RELCH: variants seen among roughly 807,000 people sequenced by gnomAD.
The protein encoded by RELCH is RAB11-binding protein RELCH.
Under a neutral mutation model 150.3 loss-of-function variants are expected in RELCH, and 41 were observed. The ratio of observed to expected loss-of-function variants is 0.27; its 90% CI spans 0.21 to 0.35. The LOEUF is 0.35. Ranked by LOEUF, RELCH falls within the 10% of genes least tolerant of loss-of-function variation. RELCH has a pLI of 1.00. For synonymous variants in RELCH, 478 were observed against 531.8 expected, an observed-to-expected ratio of 0.90 and a Z score of 1.39; for missense variants, 1,092 against 1,467.8, an observed-to-expected ratio of 0.74 and a Z score of 4.18.
At chr18:62,283,209 T>C (rs2044613651) in intron 25 of RELCH, among the ~76,000 whole-genome samples, 1 of 152,206 alleles carries the variant, frequency 6.6e-6, no homozygotes, top group African/African-American at 2.4e-5. Context: ...TTCAGCACGA[T>C]ACATAACTTT....
At chr18:62,196,216 G>GC (rs1165049322) in intron 1 of RELCH, among the ~76,000 whole-genome samples, 1 of 151,152 alleles carries the variant, frequency 6.6e-6, no homozygotes, top group Non-Finnish European at 1.5e-5. Context: ...AAATACCAGC[G>GC]CAATTTTTCT....
Position 62,291,612 on chromosome 18 carries a change from A to T in RELCH, c.3440A>T (p.His1147Leu). 2 of 1,607,510 alleles carry T rather than the reference A, an allele frequency of 1.2e-6. No individual in the cohort carries two copies. Among genetic ancestry groups the T allele is most frequent in the South Asian group, 1.1e-5 (1 of 90,214 alleles). Reference protein sequence around the residue: ...GLRCLRTDMEHLSPEHEVILS... With the variant: ...GLRCLRTDMELLSPEHEVILS... ...AGATGTTTACGGACTGACATGGAAC[A>T]TCTCTCTCCAGAGCATGAGGTGAGC... Residue 1147 changes from histidine to leucine, a missense_variant, in exon 27 of 29, where the codon CAT becomes CTT. Physicochemically the swap from His to Leu is moderately conservative, Grantham distance 99 (BLOSUM62 -3). Around this residue, in one of 4 missense-constraint regions of RELCH, gnomAD observed 707 missense variants for 1,025.4 expected, o/e 0.69. Coordinates refer to ENST00000644646, the MANE Select transcript of RELCH (RefSeq NM_001346231.2).
chr18:62,227,193 CT>C (rs1436870618), intron 5 of RELCH, 95 bp from the exon 6 acceptor site: 3 of 813,990 alleles, frequency 3.7e-6, no homozygotes, highest in African/African-American at 1.9e-5. Flanking sequence ...CAAAACCGAT[CT>C]TAAAAAAAAA....
At chr18:62,195,429 T>G (rs2038967872) in intron 1 of RELCH, among the ~76,000 whole-genome samples, 1 of 152,128 alleles carries the variant, frequency 6.6e-6, no homozygotes, top group African/African-American at 2.4e-5. Context: ...GAGCAGGTTA[T>G]AGTAACTTAG....
intron 8 of RELCH, 55 bp downstream of exon 8, chr18:62,228,653 A>G (rs1568347255): frequency 7.4e-7 from 1 of 1,345,186 alleles, no homozygotes; most frequent in African/African-American, 1.5e-5. Flanking sequence ...AGTACATGTC[A>G]AACGGGAAGA....
At chr18:62,195,194 A>G (rs1277059488) in intron 1 of RELCH, among the ~76,000 whole-genome samples, 1 of 152,146 alleles carries the variant, frequency 6.6e-6, no homozygotes, top group African/African-American at 2.4e-5. Flanking sequence ...TTCTTGTAGC[A>G]TCGTTGTAAT....
At chr18:62,283,006 A>G (rs991279924) in intron 25 of RELCH, among the ~76,000 whole-genome samples, 1 of 152,210 alleles carries the variant, frequency 6.6e-6, no homozygotes, top group South Asian at 2.1e-4. Context: ...CTTATACTGT[A>G]TACTGATTGC....
chr18:62,230,304 AG>A (rs1406102439), intron 8 of RELCH, among the ~76,000 whole-genome samples: 2 of 152,054 alleles, frequency 1.3e-5, no homozygotes, highest in Non-Finnish European at 2.9e-5. Context: ...CTCAAAAAAA[AG>A]GATCAAGCCT....
chr18:62,285,637 T>A (rs1185355469), intron 25 of RELCH: 1 of 152,206 alleles, frequency 6.6e-6, no homozygotes, highest in Non-Finnish European at 1.5e-5. Flanking sequence ...GTATCTGTAG[T>A]CCATCAACTC....
rs1164082576 is a variant in RELCH at position 62,310,109 on chromosome 18, C to G, written c.*4575C>G. On this transcript the variant is annotated 3_prime_UTR_variant, in exon 29 of 29. Coordinates refer to ENST00000644646, the MANE Select transcript of RELCH (RefSeq NM_001346231.2). ...TATAAATATAATAATTTCTCATTGA[C>G]TTTATGATTTCATAGATGCTTTATC... The G allele has an allele frequency of 1.3e-5, 2 of 152,012 alleles. No homozygotes were observed. The highest frequency in any genetic ancestry group is 2.9e-5 in the Non-Finnish European group (2 of 68,012). The allele number at this position is 152,012 out of a possible 1,614,324, so 9.4% of individuals were successfully genotyped here.
intron 11 of RELCH, 108 bp from the exon 12 acceptor site, chr18:62,252,555 TA>T (rs956879555): frequency 4.0e-6 from 3 of 747,124 alleles, no homozygotes; most frequent in African/African-American, 3.6e-5. Context: ...TTTGATTGTA[TA>T]AAAATCTTGT....
intron 2 of RELCH, among the ~76,000 whole-genome samples, chr18:62,219,501 A>T (rs1260859448): frequency 9.0e-6 from 1 of 111,720 alleles, no homozygotes; most frequent in Non-Finnish European, 1.9e-5. Flanking sequence ...TTTAAAATGT[A>T]AAAAAAAAAA....
At position 62,220,742 on chromosome 18, in the gene RELCH, T is replaced by G. The variant is rs116723411; in HGVS notation, c.617-295T>G. 604 of 345,072 alleles carry G rather than the reference T, an allele frequency of 1.8e-3. 3 individuals carry two copies. The highest frequency in any genetic ancestry group is 0.013 in the African/African-American group (571 of 45,378). The allele number at this position is 345,072 out of a possible 1,614,324, so 21.4% of individuals were successfully genotyped here. A position where few individuals can be genotyped will look rare whatever the true frequency, so the allele number is the denominator to read the frequency against. On this transcript the variant is annotated intron_variant, in intron 2 of 28. Transcript: ENST00000644646. ...CAGATTATTAATATTTTTATTTATC[T>G]AAATGAGAGTATGCCATAGATTTTA... is the stretch of plus-strand genomic sequence containing the variant.
intron 28 of RELCH, among the ~76,000 whole-genome samples, chr18:62,301,452 G>T (rs983042952): frequency 1.4e-4 from 22 of 152,166 alleles, no homozygotes; most frequent in African/African-American, 5.3e-4. Flanking sequence ...GCAGCCTTTG[G>T]CAATATGTAA....
chr18:62,240,408 C>CTTTTTTTTTTTTT lies in RELCH; in HGVS notation c.1621-4351_1621-4350insTTTTTTTTTTTTT, dbSNP rs199932427. Among the ~76,000 whole-genome samples, 3 of 139,570 alleles carry CTTTTTTTTTTTTT rather than the reference C, an allele frequency of 2.1e-5. 1 individual carries two copies. The highest frequency in any genetic ancestry group is 7.0e-5 in the Admixed American group (1 of 14,206). 91.6% of individuals were successfully genotyped at this position (139,570 alleles called of 152,430 possible). ...AAGAAAACCATTTTCTTTTTTTTTT[C>CTTTTTTTTTTTTT]TTTTTCTTTTTTTTTTTGGTGACAG... On this transcript the variant is annotated intron_variant, in intron 10 of 28. Transcript: ENST00000644646.
chr18:62,195,278 C>CTGTGTG lies in RELCH; in HGVS notation c.526+7248_526+7249insGTGTGT, dbSNP rs1491143110. Among the ~76,000 whole-genome samples the CTGTGTG allele has an allele frequency of 2.4e-3, 269 of 113,226 alleles. 2 individuals carry two copies. Among genetic ancestry groups the CTGTGTG allele is most frequent in the African/African-American group, 9.5e-3 (254 of 26,652 alleles). 74.3% of individuals were successfully genotyped at this position (113,226 alleles called of 152,430 possible). On this transcript the variant is annotated intron_variant, in intron 1 of 28. Coordinates refer to ENST00000644646, the MANE Select transcript of RELCH (RefSeq NM_001346231.2). ...TATTATTTGCTGGAATATACACACA[C>CTGTGTG]TCTGTGTGTGTGTGTGTGTGTGTGT... is the stretch of plus-strand genomic sequence containing the variant.
chr18:62,306,551 CAT>C lies in RELCH; in HGVS notation c.*1018_*1019del. On this transcript the variant is annotated 3_prime_UTR_variant, in exon 29 of 29. Transcript: ENST00000644646. The stretch of plus-strand genomic sequence containing the variant: ...TTTTTTCCCTCTAAACTAAAAAAGA[CAT>C]TGGCTGAATTATAACTAGTTAGTTA... The C allele has an allele frequency of 6.6e-6, 1 of 152,480 alleles. No homozygotes were observed. The highest frequency in any genetic ancestry group is 2.4e-5 in the African/African-American group (1 of 41,440). The allele number at this position is 152,480 out of a possible 1,614,324, so 9.4% of individuals were successfully genotyped here. A position where few individuals can be genotyped will look rare whatever the true frequency, so the allele number is the denominator to read the frequency against.
intron 27 of RELCH, among the ~76,000 whole-genome samples, chr18:62,296,331 T>C (rs1325304016): frequency 1.3e-5 from 2 of 152,198 alleles, no homozygotes; most frequent in Non-Finnish European, 2.9e-5. Context: ...CCCACGCCTG[T>C]AATCCCAGCA....
chr18:62,223,373 G>C (rs2041006061), intron 5 of RELCH, among the ~76,000 whole-genome samples: 1 of 152,008 alleles, frequency 6.6e-6, no homozygotes, highest in African/African-American at 2.4e-5. Flanking sequence ...GAAGACAACT[G>C]CCAAAGCACA....
Sources: gnomAD v4.1 joint callset for allele counts (sites outside exome capture counted in the v4.1 genomes callset) on GRCh38, gnomAD v4.1.1 for gene constraint, gnomAD v4.1.1 regional missense constraint, MANE v1.5 for transcripts, NCBI Gene and HGNC (gene_info 2026-07-23, HGNC 2026-07-21) for gene names.